The following ARHGAP24 variants were observed in gnomAD, a reference collection of about 807,000 sequenced individuals.
The protein encoded by ARHGAP24 is rho GTPase-activating protein 24.
A neutral mutation model predicts 76.4 loss-of-function variants in ARHGAP24; 50 were observed. The observed-to-expected ratio is 0.65, with a 90% CI of 0.52 to 0.83. The LOEUF (loss-of-function observed/expected upper bound fraction) is 0.83. Ranked by LOEUF, ARHGAP24 falls within the 40% of genes least tolerant of loss-of-function variation. The pLI, the probability that ARHGAP24 is intolerant of heterozygous loss-of-function variation, is 0.00. For missense variants in ARHGAP24, 930 were observed against 914.2 expected, an observed-to-expected ratio of 1.02 and a Z score of -0.22; for synonymous variants, 345 against 323.3, an observed-to-expected ratio of 1.07 and a Z score of -0.72.
intron 4 of ARHGAP24, among the ~76,000 whole-genome samples, chr4:85,936,990 T>C (rs995547931): frequency 6.6e-6 from 1 of 152,162 alleles, no homozygotes; most frequent in South Asian, 2.1e-4. Context: ...ATGAAGAGGC[T>C]GAGATCAGCT....
At chr4:85,757,793 C>G (rs1198690575) in intron 3 of ARHGAP24, among the ~76,000 whole-genome samples, 1 of 152,218 alleles carries the variant, frequency 6.6e-6, no homozygotes, top group East Asian at 1.9e-4. Context: ...AATCACCATA[C>G]TGTCTTCCAC....
intron 1 of ARHGAP24, among the ~76,000 whole-genome samples, chr4:85,494,190 G>C (rs536843735): frequency 1.6e-4 from 24 of 151,918 alleles, no homozygotes; most frequent in African/African-American, 5.8e-4. Context: ...GTATGGATAT[G>C]CAGAACGTGC....
Position 85,721,879 on chromosome 4 carries a change from T to C in ARHGAP24, c.181-6T>C. The C allele has an allele frequency of 6.2e-7, 1 of 1,612,656 alleles. No homozygotes were observed. The highest frequency in any genetic ancestry group is 8.5e-7 in the Non-Finnish European group (1 of 1,178,940). ...ATGTTGATGTTTTGGGTATTTGTTT[T>C]CACAGGGTACTATTTTTCTGCCTGG... On this transcript the variant is annotated splice_polypyrimidine_tract_variant and splice_region_variant and intron_variant, in intron 2 of 9. Coordinates refer to ENST00000395184, the MANE Select transcript of ARHGAP24 (RefSeq NM_001025616.3).
At chr4:85,875,049 T>C (rs1732797890) in intron 3 of ARHGAP24, among the ~76,000 whole-genome samples, 1 of 81,198 alleles carries the variant, frequency 1.2e-5, no homozygotes, top group Non-Finnish European at 2.1e-5. Context: ...ATTATTTATA[T>C]ATAATATATT....
At chr4:85,610,260 G>A (rs779747634) in intron 2 of ARHGAP24, among the ~76,000 whole-genome samples, 3 of 151,688 alleles carry the variant, frequency 2.0e-5, no homozygotes, top group African/African-American at 4.8e-5. Flanking sequence ...TGGCTAACAC[G>A]GTGAAACCTT....
chr4:85,905,882 G>A (rs973975944), intron 3 of ARHGAP24, among the ~76,000 whole-genome samples: 2 of 152,074 alleles, frequency 1.3e-5, no homozygotes, highest in Non-Finnish European at 2.9e-5. Context: ...TTTCATATTT[G>A]TTTCACCTTG....
chr4:85,750,684 C>T (rs939345388), intron 3 of ARHGAP24, among the ~76,000 whole-genome samples: 6 of 151,720 alleles, frequency 4.0e-5, no homozygotes, highest in East Asian at 1.9e-4. Context: ...TTTGTAGAGA[C>T]GGCATTTCAC....
chr4:85,706,930 T>C (rs1335788172), intron 2 of ARHGAP24, among the ~76,000 whole-genome samples: 1 of 152,164 alleles, frequency 6.6e-6, no homozygotes, highest in Admixed American at 6.6e-5. Context: ...TTTGTTGTTG[T>C]TTTGTGACAG....
intron 2 of ARHGAP24, among the ~76,000 whole-genome samples, chr4:85,596,284 A>G (rs1319395198): frequency 6.6e-6 from 1 of 151,984 alleles, no homozygotes; most frequent in Non-Finnish European, 1.5e-5. Context: ...TGGGGAATGG[A>G]GCCAGAATTG....
At chr4:85,914,993 A>G (rs1250701550) in intron 3 of ARHGAP24, among the ~76,000 whole-genome samples, 1 of 152,212 alleles carries the variant, frequency 6.6e-6, no homozygotes, top group East Asian at 1.9e-4. Context: ...TTAGAAGAGG[A>G]TATAAATTCT....
intron 1 of ARHGAP24, among the ~76,000 whole-genome samples, chr4:85,552,742 A>G (rs2170419): frequency 0.86 from 130,824 of 152,194 alleles, 59,096 homozygotes; most frequent in Non-Finnish European, 0.98. Flanking sequence ...GTCAGGTATT[A>G]TTGAATTGAA....
intron 2 of ARHGAP24, among the ~76,000 whole-genome samples, chr4:85,691,533 G>C (rs1723661351): frequency 6.6e-6 from 1 of 152,148 alleles, no homozygotes; most frequent in South Asian, 2.1e-4. Flanking sequence ...CCAATGTTGG[G>C]TGCAGATATA....
At chr4:85,737,050 G>C (rs561407125) in intron 3 of ARHGAP24, among the ~76,000 whole-genome samples, 2 of 152,164 alleles carry the variant, frequency 1.3e-5, no homozygotes, top group East Asian at 3.9e-4. Flanking sequence ...TTGATGTGAA[G>C]GTACTCAATG....
intron 2 of ARHGAP24, among the ~76,000 whole-genome samples, chr4:85,702,414 G>A (rs968348304): frequency 1.3e-5 from 2 of 152,174 alleles, no homozygotes; most frequent in African/African-American, 4.8e-5. Flanking sequence ...TTATTTATTA[G>A]CAGCATAGCA....
chr4:85,902,982 G>T (rs376318424), intron 3 of ARHGAP24, among the ~76,000 whole-genome samples: 25 of 152,272 alleles, frequency 1.6e-4, no homozygotes, highest in African/African-American at 4.6e-4. Context: ...TTTGGTAAAG[G>T]TATTAACTGT....
At chr4:85,653,058 T>C (rs1401271124) in intron 2 of ARHGAP24, among the ~76,000 whole-genome samples, 1 of 152,196 alleles carries the variant, frequency 6.6e-6, no homozygotes, top group African/African-American at 2.4e-5. Context: ...TGCTTTCTTT[T>C]CTTAGAAAAT....
At chr4:85,924,685 G>T (rs1735920111) in intron 4 of ARHGAP24, 1 of 151,232 alleles carries the variant, frequency 6.6e-6, no homozygotes, top group African/African-American at 2.4e-5. Flanking sequence ...CACTTCTTAG[G>T]CTGACTGACC....
intron 2 of ARHGAP24, among the ~76,000 whole-genome samples, chr4:85,688,891 T>G (rs1003439857): frequency 6.6e-6 from 1 of 152,224 alleles, no homozygotes; most frequent in African/African-American, 2.4e-5. Flanking sequence ...TGTTCTATGC[T>G]GTTCCATTGG....
chr4:85,599,428 T>C lies in ARHGAP24; in HGVS notation c.180+28707T>C, dbSNP rs369805818. Among the ~76,000 whole-genome samples, 21 of 152,314 alleles carry C rather than the reference T, an allele frequency of 1.4e-4. No homozygotes were observed. The East Asian group carries it at 4.0e-3, about 29-fold the overall frequency. ...TGGGATAACAGAAATCAGTATTTAA[T>C]GCTAGGAAAATCATCCTTCTACATA... On this transcript the variant is annotated intron_variant, in intron 2 of 9. Coordinates refer to ENST00000395184, the MANE Select transcript of ARHGAP24 (RefSeq NM_001025616.3).
Sources: gnomAD v4.1 joint callset for allele counts (sites outside exome capture counted in the v4.1 genomes callset) on GRCh38, gnomAD v4.1.1 for gene constraint, MANE v1.5 for transcripts, NCBI Gene and HGNC (gene_info 2026-07-23, HGNC 2026-07-21) for gene names.